The following VTN variants were observed in gnomAD, a reference collection of about 807,000 sequenced individuals.
The protein encoded by VTN is vitronectin.
Under a neutral mutation model 55.9 loss-of-function variants are expected in VTN, and 45 were observed. The observed-to-expected ratio is 0.80, with a 90% confidence interval of 0.63 to 1.03. VTN has a LOEUF of 1.03. Among genes scored for constraint, VTN ranks in the 50% least tolerant of loss-of-function variants. The probability of loss-of-function intolerance (pLI) is 0.00; values close to 1 mark genes in which losing one functional copy is unlikely to be tolerated. For missense variants in VTN, 589 were observed against 638.2 expected, an observed-to-expected ratio of 0.92 and a Z score of 0.83; for synonymous variants, 238 against 242.3, an observed-to-expected ratio of 0.98 and a Z score of 0.17.
In VTN at chr17:28,368,153, A is replaced by G. The variant is rs2142414716; in HGVS notation, c.980-94T>C. The G allele has an allele frequency of 7.1e-6, 8 of 1,127,214 alleles. 1 individual carries two copies. The South Asian group carries it at 9.5e-5, about 13-fold the overall frequency. The allele number at this position is 1,127,214 out of a possible 1,614,324, so 69.8% of individuals were successfully genotyped here. ...AGAGTTCATCTGCTGCACCTTGCCC[A>G]AAGACACACAGCAGCGAATGGCAGA... is the stretch of plus-strand genomic sequence containing the variant. On this transcript the variant is annotated intron_variant, in intron 6 of 7. Coordinates refer to ENST00000226218, the MANE Select transcript of VTN (RefSeq NM_000638.4).
chr17:28,367,402 G>C lies in VTN; in HGVS notation c.1404C>G (p.Tyr468Ter). 1.2e-6 allele frequency: 2 copies of C among 1,611,824 alleles called. No individual in the cohort carries two copies. Among genetic ancestry groups the C allele is most frequent in the Non-Finnish European group, 1.7e-6 (2 of 1,179,374 alleles). ...GGCCAGGAGCTGGGCAGCCCAGCCAGTACTGAGCGATGGAGCGTGGGTAGG... is the reference window on the plus strand; with the variant it reads ...GGCCAGGAGCTGGGCAGCCCAGCCACTACTGAGCGATGGAGCGTGGGTAGG... ...DPPYPRSIAQ[Y>*]WLGCPAPGHL The change falls in exon 8 of 8, where the codon TAC becomes TAG. Residue 468 changes from tyrosine (Y) to a stop codon, truncating the protein, a stop_gained. Transcript: ENST00000226218. LOFTEE classifies it high-confidence loss of function.
In VTN at chr17:28,370,234, C is replaced by G. The variant is rs781974272; in HGVS notation, c.-31G>C. ...GGCTTCTAGCTCAGTGCCTGGCAAG[C>G]TGGGCTCTGGTCTCCCTGAAGTCTC... On this transcript the variant is annotated 5_prime_UTR_variant, in exon 1 of 8. Coordinates refer to ENST00000226218, the MANE Select transcript of VTN (RefSeq NM_000638.4). The G allele has an allele frequency of 9.4e-6, 15 of 1,598,192 alleles. No individual in the cohort carries two copies. The highest frequency in any genetic ancestry group is 1.3e-5 in the African/African-American group (1 of 74,698).
Position 28,367,449 on chromosome 17 carries a change from G to A in VTN, c.1357C>T (p.Arg453Ter), listed in dbSNP as rs1431831732. 6.8e-6 allele frequency: 11 copies of A among 1,613,566 alleles called. No homozygotes were observed. The highest frequency in any genetic ancestry group is 4.0e-5 in the African/African-American group (3 of 74,894). Reference sequence around the variant, plus strand: ...TAGGGAGGGTCCACAGTGTCCACTCGCCGTGTGCGAAGATTGACTCGGTAG... The same window carrying A: ...TAGGGAGGGTCCACAGTGTCCACTCACCGTGTGCGAAGATTGACTCGGTAG... ...KYYRVNLRTR[R>*]VDTVDPPYPR... Residue 453 changes from arginine (R) to a stop codon, truncating the protein, a stop_gained, in exon 8 of 8, where the codon CGA (arginine) becomes TGA (stop). Coordinates refer to ENST00000226218, the MANE Select transcript of VTN (RefSeq NM_000638.4). LOFTEE classifies it high-confidence loss of function.
Position 28,369,818 on chromosome 17 carries a change from T to C in VTN, c.218A>G (p.Asp73Gly). 1 of 1,613,370 alleles carries C rather than the reference T, an allele frequency of 6.2e-7. No individual in the cohort carries two copies. The highest frequency in any genetic ancestry group is 8.5e-7 in the Non-Finnish European group (1 of 1,179,470). The change falls in exon 3 of 8, where the codon GAT (aspartate) becomes GGT (glycine). Residue 73 changes from aspartate to glycine, a missense_variant. Transcript: ENST00000226218. This position sits in a 1 kb window ranked among gnomAD's most constrained non-coding sequence, Gnocchi z 5.3. ...TRGDVFTMPE[D>G]EYTVYDDGEE... ...GCCATCGTCATAGACCGTGTACTCA[T>C]CCTCCGGCATAGTGAACACATCCCC...
Position 28,369,111 on chromosome 17 carries a change from T to A in VTN, c.670-83A>T. On this transcript the variant is annotated intron_variant, in intron 4 of 7. Coordinates refer to ENST00000226218, the MANE Select transcript of VTN (RefSeq NM_000638.4). The surrounding 1 kb of genome is among the most constrained non-coding windows in gnomAD (Gnocchi z 5.3). ...GAGTCCCTTGCCCTAAGGCAGCCGT[T>A]CCCAGGTCCAGGTTCACTGCCCAGG... 1 of 1,516,368 alleles carries A rather than the reference T, an allele frequency of 6.6e-7. No homozygotes were observed. Among genetic ancestry groups the A allele is most frequent in the Non-Finnish European group, 8.8e-7 (1 of 1,134,602 alleles). 93.9% of individuals were successfully genotyped at this position (1,516,368 alleles called of 1,614,324 possible).
Position 28,369,235 on chromosome 17 carries a change from T to A in VTN, c.669+54A>T. 6.5e-7 allele frequency: 1 copy of A among 1,530,280 alleles called. No individual in the cohort carries two copies. 94.8% of individuals were successfully genotyped at this position (1,530,280 alleles called of 1,614,324 possible). ...CTGTCCACCCTGTCCCTGGGAGCAA[T>A]AGCTCTCAAACCCTCCCTAGATGCT... On this transcript the variant is annotated intron_variant, in intron 4 of 7. Transcript: ENST00000226218. This position sits in a 1 kb window ranked among gnomAD's most constrained non-coding sequence, Gnocchi z 5.3.
chr17:28,367,552 A>G (rs1555583187), intron 7 of VTN, 71 bp from the exon 8 acceptor site: 6 of 1,468,510 alleles, frequency 4.1e-6, no homozygotes, highest in Non-Finnish European at 5.7e-6. Context: ...TGAGAAGTCT[A>G]GGGTCTCTCC....
Position 28,367,777 on chromosome 17 carries a change from C to T in VTN, c.1262G>A (p.Arg421Lys). The T allele has an allele frequency of 6.2e-7, 1 of 1,614,166 alleles. No individual in the cohort carries two copies. The highest frequency in any genetic ancestry group is 8.5e-7 in the Non-Finnish European group (1 of 1,180,042). ...NLGANNYDDY[R>K]MDWLVPATCE... ...GGTGGCAGGCACAAGCCAGTCCATCCTGTAGTCATCATAGTTGTTGGCTCC... is the reference window on the plus strand; with the variant it reads ...GGTGGCAGGCACAAGCCAGTCCATCTTGTAGTCATCATAGTTGTTGGCTCC... The change falls in exon 7 of 8, where the codon AGG becomes AAG. Residue 421 changes from arginine to lysine, a missense_variant. By Grantham distance (26) the Arg-to-Lys change is conservative. Around this residue, in one of 3 missense-constraint regions of VTN, gnomAD observed 334 missense variants for 328.2 expected, o/e 1.02. Coordinates refer to ENST00000226218, the MANE Select transcript of VTN (RefSeq NM_000638.4).
At position 28,370,227 on chromosome 17, in the gene VTN, T is replaced by C. The variant is rs782380759; in HGVS notation, c.-24A>G. 1 of 1,602,664 alleles carries C rather than the reference T, an allele frequency of 6.2e-7. No individual in the cohort carries two copies. On this transcript the variant is annotated 5_prime_UTR_variant, in exon 1 of 8. Coordinates refer to ENST00000226218, the MANE Select transcript of VTN (RefSeq NM_000638.4). Reference sequence around the variant, plus strand: ...ATGGCAGGGCTTCTAGCTCAGTGCCTGGCAAGCTGGGCTCTGGTCTCCCTG... The same window carrying C: ...ATGGCAGGGCTTCTAGCTCAGTGCCCGGCAAGCTGGGCTCTGGTCTCCCTG...
rs367756510 is a variant in VTN, at chr17:28,369,747, A to G, written c.289T>C (p.Ser97Pro). 161 of 1,613,776 alleles carry G rather than the reference A, an allele frequency of 1.0e-4. No individual in the cohort carries two copies. Among genetic ancestry groups the G allele is most frequent in the Non-Finnish European group, 1.3e-4 (158 of 1,179,994 alleles). Reference protein sequence around the residue: ...ATVHEQVGGPSLTSDLQAQSK... With the variant: ...ATVHEQVGGPPLTSDLQAQSK... ...TGGGCCTGGAGGTCAGAGGTCAGGGAGGGGCCCCCCACCTGTTCATGGACA... is the reference window on the plus strand; with the variant it reads ...TGGGCCTGGAGGTCAGAGGTCAGGGGGGGGCCCCCCACCTGTTCATGGACA... Residue 97 changes from serine to proline, a missense_variant, in exon 3 of 8, where the codon TCC (serine) becomes CCC (proline). Ser to Pro is a moderately conservative substitution (Grantham distance 74). Around this residue, in one of 3 missense-constraint regions of VTN, gnomAD observed 217 missense variants for 241.3 expected, o/e 0.90. Coordinates refer to ENST00000226218, the MANE Select transcript of VTN (RefSeq NM_000638.4). The surrounding 1 kb of genome is among the most constrained non-coding windows in gnomAD (Gnocchi z 5.3).
In VTN at chr17:28,367,880, G is replaced by C. The variant is rs781988485; in HGVS notation, c.1159C>G (p.Arg387Gly). ...CGGCGGGAGTTCTGGTTGCGGCCAC[G>C]GCTGTGGCCTCGTTGTGAACGGTAG... Reference protein sequence around the residue: ...KGYRSQRGHSRGRNQNSRRPS... With the variant: ...KGYRSQRGHSGGRNQNSRRPS... The change falls in exon 7 of 8, where the codon CGT becomes GGT. Residue 387 changes from arginine to glycine, a missense_variant. By Grantham distance (125) the Arg-to-Gly change is moderately radical. Transcript: ENST00000226218. 6.8e-6 allele frequency: 11 copies of C among 1,613,702 alleles called. No individual in the cohort carries two copies. Among genetic ancestry groups the C allele is most frequent in the Non-Finnish European group, 9.3e-6 (11 of 1,179,868 alleles).
rs2067939690 is a variant in VTN at position 28,370,044 on chromosome 17, ACT to A, written c.65_66del (p.Glu22ValfsTer8). 1 of 1,613,876 alleles carries A rather than the reference ACT, an allele frequency of 6.2e-7. No individual in the cohort carries two copies. The highest frequency in any genetic ancestry group is 2.2e-5 in the East Asian group (1 of 44,864). On this transcript the variant is annotated frameshift_variant and splice_region_variant, in exon 2 of 8. Transcript: ENST00000226218. LOFTEE classifies it high-confidence loss of function. ...LLAWVALADQ[E>X]SCKGRCTEGF... Reference sequence around the variant, plus strand: ...CCCTCAGTGCAGCGGCCCTTGCATGACTCTATGAGGAAGGAGTGTCAGTCGGT... The same window carrying A: ...CCCTCAGTGCAGCGGCCCTTGCATGACTATGAGGAAGGAGTGTCAGTCGGT...
In VTN at chr17:28,369,950, T is replaced by C. The variant is rs1555583742; in HGVS notation, c.161A>G (p.Tyr54Cys). The change falls in exon 2 of 8, where the codon TAT (tyrosine) becomes TGT (cysteine). Residue 54 changes from tyrosine (Y) to cysteine (C), a missense_variant. Around this residue, in one of 3 missense-constraint regions of VTN, gnomAD observed 217 missense variants for 241.3 expected, o/e 0.90. Coordinates refer to ENST00000226218, the MANE Select transcript of VTN (RefSeq NM_000638.4). The surrounding 1 kb of genome is among the most constrained non-coding windows in gnomAD (Gnocchi z 5.3). ...ACCTTGGGGCTTGCACTCAGCCGTA[T>C]AGTCTGTGCAGCAGCTCTGGTAGTA... is the stretch of plus-strand genomic sequence containing the variant. Reference protein sequence around the residue: ...CSYYQSCCTDYTAECKPQVTR... With the variant: ...CSYYQSCCTDCTAECKPQVTR... 4 of 1,614,100 alleles carry C rather than the reference T, an allele frequency of 2.5e-6. No individual in the cohort carries two copies. Among genetic ancestry groups the C allele is most frequent in the African/African-American group, 1.3e-5 (1 of 75,050 alleles).
At chr17:28,368,833 C>T (rs782220628) in intron 5 of VTN, 39 bp downstream of exon 5, 3 of 1,613,046 alleles carry the variant, frequency 1.9e-6, no homozygotes, top group East Asian at 4.5e-5. Context: ...TCCAAGACTG[C>T]TCCACTGCCT....
At position 28,368,767 on chromosome 17, in the gene VTN, T is replaced by A; in HGVS notation, c.827-94A>T. On this transcript the variant is annotated intron_variant, in intron 5 of 7. Transcript: ENST00000226218. ...GAAGTTAGGATCTCCCAGCATGAGGTGGGGGTCAGGGGTGGGCACATGCTG... is the reference window on the plus strand; with the variant it reads ...GAAGTTAGGATCTCCCAGCATGAGGAGGGGGTCAGGGGTGGGCACATGCTG... The A allele has an allele frequency of 1.9e-6, 3 of 1,608,932 alleles. No individual in the cohort carries two copies. In the South Asian group the frequency reaches 3.3e-5, roughly 18 times the overall value.
chr17:28,369,272 C>A lies in VTN; in HGVS notation c.669+17G>T. On this transcript the variant is annotated intron_variant, in intron 4 of 7. Coordinates refer to ENST00000226218, the MANE Select transcript of VTN (RefSeq NM_000638.4). The surrounding 1 kb of genome is among the most constrained non-coding windows in gnomAD (Gnocchi z 5.3). ...CCTCCCTAGATGCTTTCTACCCTGG[C>A]CCACAGCCCCTGGCACCTTGAAGAG... 1 of 1,566,526 alleles carries A rather than the reference C, an allele frequency of 6.4e-7. No homozygotes were observed. Among genetic ancestry groups the A allele is most frequent in the Non-Finnish European group, 8.7e-7 (1 of 1,152,156 alleles).
At chr17:28,367,598 G>A in intron 7 of VTN, 117 bp from the exon 8 acceptor site, 2 of 1,399,664 alleles carry the variant, frequency 1.4e-6, no homozygotes, top group Non-Finnish European at 1.0e-6. Context: ...TGCAGCTAAG[G>A]ACTTCTGGCC....
Position 28,369,128 on chromosome 17 carries a change from C to T in VTN, c.670-100G>A. On this transcript the variant is annotated intron_variant, in intron 4 of 7. Coordinates refer to ENST00000226218, the MANE Select transcript of VTN (RefSeq NM_000638.4). This position sits in a 1 kb window ranked among gnomAD's most constrained non-coding sequence, Gnocchi z 5.3. ...GCAGCCGTTCCCAGGTCCAGGTTCACTGCCCAGGACCTGGAGTCTTGGGGC... is the reference window on the plus strand; with the variant it reads ...GCAGCCGTTCCCAGGTCCAGGTTCATTGCCCAGGACCTGGAGTCTTGGGGC... The T allele has an allele frequency of 6.6e-7, 1 of 1,506,576 alleles. No individual in the cohort carries two copies. The highest frequency in any genetic ancestry group is 8.9e-7 in the Non-Finnish European group (1 of 1,126,906). The allele number at this position is 1,506,576 out of a possible 1,614,324, so 93.3% of individuals were successfully genotyped here.
chr17:28,368,101 A>T (rs1555583339), intron 6 of VTN, 42 bp from the exon 7 acceptor site: 1 of 1,503,220 alleles, frequency 6.7e-7, no homozygotes, highest in Admixed American at 2.2e-5. Context: ...TGGGGGTCCG[A>T]ATCTTGCCCC....
Sources: gnomAD v4.1 joint callset for allele counts on GRCh38, gnomAD v4.1.1 for gene constraint, gnomAD v4.1.1 regional missense constraint, Gnocchi (gnomAD v3.1) non-coding constraint, MANE v1.5 for transcripts, NCBI Gene and HGNC (gene_info 2026-07-23, HGNC 2026-07-21) for gene names.